Variants in ZZEF1 observed in about 807,000 individuals in gnomAD.
ZZEF1 encodes zinc finger ZZ-type and EF-hand domain-containing protein 1.
Under a neutral mutation model 342.8 loss-of-function variants are expected in ZZEF1, and 157 were observed. The ratio of observed to expected loss-of-function variants is 0.46; its 90% CI spans 0.40 to 0.52. The LOEUF is 0.52. Ranked by LOEUF, ZZEF1 falls within the 20% of genes least tolerant of loss-of-function variation. The probability of loss-of-function intolerance (pLI) is 0.00; values close to 1 mark genes in which losing one functional copy is unlikely to be tolerated. For synonymous variants in ZZEF1, 1,505 were observed against 1,429.1 expected, an observed-to-expected ratio of 1.05 and a Z score of -1.20; for missense variants, 3,480 against 3,725.6, an observed-to-expected ratio of 0.93 and a Z score of 1.72.
chr17:4,049,761 C>G lies in ZZEF1; in HGVS notation c.5962G>C (p.Glu1988Gln). The change falls in exon 37 of 55, where the codon GAG becomes CAG. Residue 1988 changes from glutamate (E) to glutamine (Q), a missense_variant. Glu to Gln is a conservative substitution (Grantham distance 29, BLOSUM62 2). Transcript: ENST00000381638. ...PVTVPTGASE[E>Q]QLEKKAVQGA... ...TGGACAGCTTTCTTCTCTAGCTGCT[C>G]CTCTGACGCTCCGGTGGGCACAGTG... is the stretch of plus-strand genomic sequence containing the variant. The G allele has an allele frequency of 6.2e-7, 1 of 1,614,178 alleles. No individual in the cohort carries two copies.
chr17:4,127,213 A>C (rs2058586249), intron 1 of ZZEF1, among the ~76,000 whole-genome samples: 1 of 152,042 alleles, frequency 6.6e-6, no homozygotes. Context: ...TTTGCTGCCT[A>C]GGCTGGTCTC....
At position 4,099,303 on chromosome 17, in the gene ZZEF1, C is replaced by T. The variant is rs772357885; in HGVS notation, c.1673-2603G>A. On this transcript the variant is annotated intron_variant, in intron 9 of 54. Coordinates refer to ENST00000381638, the MANE Select transcript of ZZEF1 (RefSeq NM_015113.4). ...GCAGTGGTACAATCATAACTCACTGCGACCTTACACTCCTGGGCTCAAACA... is the reference window on the plus strand; with the variant it reads ...GCAGTGGTACAATCATAACTCACTGTGACCTTACACTCCTGGGCTCAAACA... Among the ~76,000 whole-genome samples the T allele has an allele frequency of 1.1e-4, 16 of 152,260 alleles. 1 individual carries two copies. Among genetic ancestry groups the T allele is most frequent in the South Asian group, 1.0e-3 (5 of 4,818 alleles).
intron 19 of ZZEF1, 52 bp downstream of exon 19, chr17:4,077,831 G>A: frequency 1.9e-6 from 3 of 1,588,956 alleles, no homozygotes; most frequent in Non-Finnish European, 8.6e-7. Context: ...AGAACACTCA[G>A]AGTCAAAACC....
At chr17:4,076,829 C>T (rs752511333) in intron 20 of ZZEF1, 39 bp downstream of exon 20, 1 of 1,613,208 alleles carries the variant, frequency 6.2e-7, no homozygotes, top group Admixed American at 1.7e-5. Flanking sequence ...CCCCCAACCC[C>T]CTTCCGGTTC....
intron 1 of ZZEF1, among the ~76,000 whole-genome samples, chr17:4,137,715 A>T (rs2058775663): frequency 6.6e-6 from 1 of 152,236 alleles, no homozygotes; most frequent in Admixed American, 6.5e-5. Flanking sequence ...GTACAATGGT[A>T]GTGCAGGCAG....
chr17:4,091,212 G>C (rs1392012291), intron 11 of ZZEF1, among the ~76,000 whole-genome samples: 1 of 152,168 alleles, frequency 6.6e-6, no homozygotes, highest in Non-Finnish European at 1.5e-5. Context: ...TCTTTCCCTA[G>C]GTCTGGCTAA....
chr17:4,049,804 T>A lies in ZZEF1; in HGVS notation c.5919A>T (p.Glu1973Asp), dbSNP rs757595491. The A allele has an allele frequency of 1.2e-6, 2 of 1,614,190 alleles. No homozygotes were observed. Among genetic ancestry groups the A allele is most frequent in the East Asian group, 2.2e-5 (1 of 44,882 alleles). Residue 1973 changes from glutamate (E) to aspartate (D), a missense_variant, in exon 37 of 55, where the codon GAA becomes GAT. This residue lies in a region of ZZEF1 where 1,269 missense variants were observed against 1,342.4 expected (regional missense o/e 0.95). Transcript: ENST00000381638. ...GCACAGTGACTGGTAGGGCCTGATCTTCTAGGCTCGAGTCCCCATCTGGCA... is the reference window on the plus strand; with the variant it reads ...GCACAGTGACTGGTAGGGCCTGATCATCTAGGCTCGAGTCCCCATCTGGCA... The part of the protein sequence containing the change: ...GVLPDGDSSL[E>D]DQALPVTVPT...
chr17:4,126,543 T>C (rs1346928489), intron 1 of ZZEF1, among the ~76,000 whole-genome samples: 1 of 152,176 alleles, frequency 6.6e-6, no homozygotes, highest in African/African-American at 2.4e-5. Context: ...GGAATTCTAA[T>C]CTGGGTAGGC....
intron 21 of ZZEF1, 59 bp downstream of exon 21, chr17:4,076,574 CTAAG>C (rs752455079): frequency 1.9e-6 from 3 of 1,566,116 alleles, no homozygotes; most frequent in Admixed American, 3.4e-5. Context: ...GTCCACTTCA[CTAAG>C]TGTGTCCCAT....
chr17:4,015,627 T>A (rs1185629350), intron 49 of ZZEF1, among the ~76,000 whole-genome samples: 5 of 152,186 alleles, frequency 3.3e-5, no homozygotes, highest in Admixed American at 1.3e-4. Context: ...TAGCTGGGCA[T>A]GGTGGCAGGT....
chr17:4,015,847 T>A (rs145615401), intron 49 of ZZEF1, among the ~76,000 whole-genome samples: 103 of 152,330 alleles, frequency 6.8e-4, no homozygotes, highest in African/African-American at 2.4e-3. Context: ...TCAAAATGCC[T>A]ACCTCCCTGC....
rs1307237155 is a variant in ZZEF1, at chr17:4,005,532, G to A, written c.*1358C>T. 2 of 152,432 alleles carry A rather than the reference G, an allele frequency of 1.3e-5. No individual in the cohort carries two copies. The highest frequency in any genetic ancestry group is 2.9e-5 in the Non-Finnish European group (2 of 68,170). 9.4% of individuals were successfully genotyped at this position (152,432 alleles called of 1,614,324 possible). A position where few individuals can be genotyped will look rare whatever the true frequency, so the allele number is the denominator to read the frequency against. On this transcript the variant is annotated 3_prime_UTR_variant, in exon 55 of 55. Transcript: ENST00000381638. ...GCTGTGAAGCCCGCTGCACCTTGGA[G>A]TCCTGACCCAGAAGGCGAAAGTGCT...
intron 9 of ZZEF1, among the ~76,000 whole-genome samples, chr17:4,097,128 G>A (rs1463879859): frequency 6.6e-6 from 1 of 151,866 alleles, no homozygotes; most frequent in Non-Finnish European, 1.5e-5. Flanking sequence ...AGGTGTGGTG[G>A]CGGGCGCCTG....
intron 9 of ZZEF1, among the ~76,000 whole-genome samples, chr17:4,099,616 G>A (rs1374356534): frequency 1.3e-5 from 2 of 149,508 alleles, no homozygotes; most frequent in Non-Finnish European, 3.0e-5. Context: ...CGCAATCTCA[G>A]CTCACTGCAA....
chr17:4,135,602 G>T (rs1177958210), intron 1 of ZZEF1, among the ~76,000 whole-genome samples: 1 of 152,186 alleles, frequency 6.6e-6, no homozygotes, highest in Admixed American at 6.5e-5. Context: ...TCTGACAGCA[G>T]TAACTCTCTT....
Position 4,061,525 on chromosome 17 carries a change from T to TA in ZZEF1, c.4883+1227dup, listed in dbSNP as rs144033074. 5.8e-3 allele frequency among the ~76,000 whole-genome samples: 877 copies of TA among 152,316 alleles called. 8 individuals are homozygous for TA. The highest frequency in any genetic ancestry group is 0.02 in the African/African-American group (846 of 41,558). On this transcript the variant is annotated intron_variant, in intron 30 of 54. Coordinates refer to ENST00000381638, the MANE Select transcript of ZZEF1 (RefSeq NM_015113.4). ...CCTGACTTCTTTCCGTAACTTTAGT[T>TA]AAAACGCTGACCTCTGTTTTCTCAA...
chr17:4,008,671 C>T lies in ZZEF1; in HGVS notation c.8805+212G>A. On this transcript the variant is annotated intron_variant, in intron 54 of 54. Transcript: ENST00000381638. The surrounding 1 kb of genome is among the most constrained non-coding windows in gnomAD (Gnocchi z 4.2). ...TTTTAAAGACACAAATTCTTCTGAC[C>T]CCACAGTTTAGAGTGAATGACTCTG... 2.4e-6 allele frequency: 3 copies of T among 1,259,282 alleles called. No homozygotes were observed. Among genetic ancestry groups the T allele is most frequent in the East Asian group, 3.2e-5 (1 of 31,628 alleles). The allele number at this position is 1,259,282 out of a possible 1,614,324, so 78.0% of individuals were successfully genotyped here.
At chr17:4,083,857 T>C (rs1336936418) in intron 16 of ZZEF1, among the ~76,000 whole-genome samples, 3 of 152,216 alleles carry the variant, frequency 2.0e-5, no homozygotes, top group Non-Finnish European at 4.4e-5. Flanking sequence ...TTTTCTTATG[T>C]CTGCTCATTG....
At chr17:4,023,661 A>C (rs981177510) in intron 43 of ZZEF1, among the ~76,000 whole-genome samples, 237 of 151,200 alleles carry the variant, frequency 1.6e-3, no homozygotes, top group African/African-American at 5.2e-3. Flanking sequence ...CTCTCCAAAA[A>C]AAAAAAAAAA....
Sources: allele counts gnomAD v4.1 joint callset (sites outside exome capture counted in the v4.1 genomes callset), GRCh38; gene constraint gnomAD v4.1.1; regional missense constraint gnomAD v4.1.1; non-coding constraint Gnocchi (gnomAD v3.1); transcripts MANE v1.5; gene names NCBI Gene and HGNC (gene_info 2026-07-23, HGNC 2026-07-21).